The following TRAF1 variants were observed in gnomAD, a reference collection of about 807,000 sequenced individuals.
TRAF1 encodes TNF receptor-associated factor 1.
Under a neutral mutation model 40.9 loss-of-function variants are expected in TRAF1, and 23 were observed. The observed-to-expected ratio is 0.56, with a 90% confidence interval of 0.40 to 0.80. The LOEUF (loss-of-function observed/expected upper bound fraction) is 0.80, where lower values mean the gene tolerates loss of function less well. Ranked by LOEUF, TRAF1 falls within the 30% of genes least tolerant of loss-of-function variation. The probability of loss-of-function intolerance (pLI) is 0.00; values close to 1 mark genes in which losing one functional copy is unlikely to be tolerated. For synonymous variants in TRAF1, 206 were observed against 218.8 expected (o/e 0.94, Z 0.52); for missense variants, 477 against 528.7 (o/e 0.90, Z 0.96).
chr9:120,920,590 C>A (rs972501828), intron 3 of TRAF1, among the ~76,000 whole-genome samples: 3 of 152,180 alleles, frequency 2.0e-5, no homozygotes, highest in Admixed American at 2.0e-4. Context: ...TTATCTCCAG[C>A]CCCCTGGCAT....
chr9:120,911,209 G>A, intron 6 of TRAF1, 127 bp downstream of exon 6: 1 of 1,116,756 alleles, frequency 9.0e-7, no homozygotes, highest in Non-Finnish European at 1.3e-6. Context: ...TGAGTGGCCT[G>A]AATGGGCACT....
rs948209656 is a variant in TRAF1 at position 120,903,182 on chromosome 9, G to A, written c.*1838C>T. On this transcript the variant is annotated 3_prime_UTR_variant, in exon 8 of 8. Coordinates refer to ENST00000373887, the MANE Select transcript of TRAF1 (RefSeq NM_005658.5). ...AGTCTCCACTGCCTCCACAGTCTCCGCTGCCACGCTGTCAGCCGTGGGAAC... is the reference window on the plus strand; with the variant it reads ...AGTCTCCACTGCCTCCACAGTCTCCACTGCCACGCTGTCAGCCGTGGGAAC... 1 of 152,376 alleles carries A rather than the reference G, an allele frequency of 6.6e-6. No homozygotes were observed. Among genetic ancestry groups the A allele is most frequent in the Non-Finnish European group, 1.5e-5 (1 of 68,052 alleles). The allele number at this position is 152,376 out of a possible 1,614,324, so 9.4% of individuals were successfully genotyped here.
intron 3 of TRAF1, among the ~76,000 whole-genome samples, chr9:120,921,301 C>G (rs1008383): frequency 0.66 from 100,311 of 151,430 alleles, 33,334 homozygotes; most frequent in South Asian, 0.82. Flanking sequence ...CTTAGGGGCT[C>G]GGATAGGAGA....
At chr9:120,915,948 C>A (rs1201749072) in intron 3 of TRAF1, among the ~76,000 whole-genome samples, 1 of 152,170 alleles carries the variant, frequency 6.6e-6, no homozygotes, top group Non-Finnish European at 1.5e-5. Flanking sequence ...AGTTACCATA[C>A]AATCCACACA....
Position 120,904,970 on chromosome 9 carries a change from T to A in TRAF1, c.*50A>T, listed in dbSNP as rs371928914. 2.5e-4 allele frequency: 388 copies of A among 1,562,032 alleles called. 1 individual carries two copies. The highest frequency in any genetic ancestry group is 3.2e-4 in the Non-Finnish European group (362 of 1,147,770). On this transcript the variant is annotated 3_prime_UTR_variant, in exon 8 of 8. Coordinates refer to ENST00000373887, the MANE Select transcript of TRAF1 (RefSeq NM_005658.5). ...TGCCAAGGGCAGGGCATCACAGTCCTCTGGCTAGCTCCCTTCTGAGTTGGA... is the reference window on the plus strand; with the variant it reads ...TGCCAAGGGCAGGGCATCACAGTCCACTGGCTAGCTCCCTTCTGAGTTGGA...
chr9:120,925,829 G>A (rs2046636208), intron 2 of TRAF1, 107 bp downstream of exon 2: 1 of 1,520,762 alleles, frequency 6.6e-7, no homozygotes, highest in East Asian at 2.3e-5. Context: ...GCCCAGAGAA[G>A]AAAAGTCACC....
At position 120,913,547 on chromosome 9, in the gene TRAF1, G is replaced by A. The variant is rs138788579; in HGVS notation, c.486C>T (p.Val162=). 229 of 1,613,490 alleles carry A rather than the reference G, an allele frequency of 1.4e-4. No individual in the cohort carries two copies. The highest frequency in any genetic ancestry group is 1.8e-4 in the Non-Finnish European group (215 of 1,179,882). The part of the protein sequence containing the change: ...AAVEVAGDLE[V]DCYRAPCSES... ...CGGAGCAGGGTGCCCGGTAGCAATC[G>A]ACCTCCAGGTCCCCCGCCACTTCCA... The change falls in exon 5 of 8, where the codon GTC becomes GTT. Residue 162 remains valine (V), a synonymous_variant. Coordinates refer to ENST00000373887, the MANE Select transcript of TRAF1 (RefSeq NM_005658.5).
In TRAF1 at chr9:120,904,970, T is replaced by G; in HGVS notation, c.*50A>C. 6.4e-7 allele frequency: 1 copy of G among 1,562,150 alleles called. No individual in the cohort carries two copies. Among genetic ancestry groups the G allele is most frequent in the Non-Finnish European group, 8.7e-7 (1 of 1,147,762 alleles). ...TGCCAAGGGCAGGGCATCACAGTCC[T>G]CTGGCTAGCTCCCTTCTGAGTTGGA... On this transcript the variant is annotated 3_prime_UTR_variant, in exon 8 of 8. Transcript: ENST00000373887.
intron 2 of TRAF1, among the ~76,000 whole-genome samples, chr9:120,925,700 C>G (rs182086235): frequency 1.5e-4 from 23 of 152,374 alleles, no homozygotes; most frequent in African/African-American, 4.8e-4. Context: ...CCTCGAGGCT[C>G]TCCTCGGTGT....
chr9:120,909,573 T>C (rs2046510761), intron 6 of TRAF1, among the ~76,000 whole-genome samples, 195 bp from the exon 7 acceptor site: 1 of 152,184 alleles, frequency 6.6e-6, no homozygotes, highest in Non-Finnish European at 1.5e-5. Flanking sequence ...GTTTGTCAGC[T>C]GGCCATCCAA....
Position 120,913,660 on chromosome 9 carries a change from G to T in TRAF1, c.373C>A (p.Gln125Lys). The T allele has an allele frequency of 6.2e-7, 1 of 1,613,252 alleles. No individual in the cohort carries two copies. The highest frequency in any genetic ancestry group is 1.3e-5 in the African/African-American group (1 of 75,048). ...CCACAGCCCAGCCGGGCCTTCCACT[G>T]TTTCATGAACCCCAACAGCAGGTTT... Reference protein sequence around the residue: ...HLNLLLGFMKQWKARLGCGLE... With the variant: ...HLNLLLGFMKKWKARLGCGLE... The change falls in exon 5 of 8, where the codon CAG becomes AAG. Residue 125 changes from glutamine to lysine, a missense_variant. Physicochemically the swap from Gln to Lys is moderately conservative, Grantham distance 53 (BLOSUM62 1). Coordinates refer to ENST00000373887, the MANE Select transcript of TRAF1 (RefSeq NM_005658.5).
At chr9:120,910,764 C>G (rs1379586581) in intron 6 of TRAF1, among the ~76,000 whole-genome samples, 1 of 152,224 alleles carries the variant, frequency 6.6e-6, no homozygotes. Context: ...TTAAGAGAAA[C>G]ACTTGCCAAG....
At chr9:120,909,200 A>T in intron 7 of TRAF1, 30 bp downstream of exon 7, 2 of 1,607,806 alleles carry the variant, frequency 1.2e-6, no homozygotes, top group African/African-American at 1.3e-5. Context: ...CATGCTCCCC[A>T]CCTTACCCCC....
At chr9:120,919,252 C>T (rs958679413) in intron 3 of TRAF1, among the ~76,000 whole-genome samples, 5 of 152,302 alleles carry the variant, frequency 3.3e-5, no homozygotes, top group African/African-American at 4.8e-5. Context: ...GAATTTCCTC[C>T]GAGGAGGAGA....
rs1415114637 is a variant in TRAF1 at position 120,911,459 on chromosome 9, C to G, written c.760G>C (p.Glu254Gln). 1.2e-6 allele frequency: 2 copies of G among 1,613,482 alleles called. No homozygotes were observed. Among genetic ancestry groups the G allele is most frequent in the Non-Finnish European group, 1.7e-6 (2 of 1,180,012 alleles). ...AQKDQALGKL[E>Q]QSLRLMEEAS... The stretch of plus-strand genomic sequence containing the variant: ...TCCTCCATGAGGCGCAAGCTCTGCT[C>G]CAGCTTGCCCAGGGCCTGGTCTTTC... The change falls in exon 6 of 8, where the codon GAG becomes CAG. Residue 254 changes from glutamate to glutamine, a missense_variant. Transcript: ENST00000373887.
chr9:120,914,098 G>T, intron 4 of TRAF1, 137 bp downstream of exon 4: 2 of 716,558 alleles, frequency 2.8e-6, no homozygotes, highest in Non-Finnish European at 4.2e-6. Flanking sequence ...TCTGATGCTT[G>T]GGAAAGTCAT....
rs117650052 is a variant in TRAF1 at position 120,921,335 on chromosome 9, C to T, written c.228+2370G>A. Among the ~76,000 whole-genome samples the T allele has an allele frequency of 8.8e-3, 1,338 of 151,994 alleles. 9 individuals carry two copies. The highest frequency in any genetic ancestry group is 0.017 in the Middle Eastern group (5 of 294). On this transcript the variant is annotated intron_variant, in intron 3 of 7. Transcript: ENST00000373887. Reference sequence around the variant, plus strand: ...GAAAGAAATGGGGCAATTAACAGGTCGGGGCTCCAGGATCCCCCTCCATCA... The same window carrying T: ...GAAAGAAATGGGGCAATTAACAGGTTGGGGCTCCAGGATCCCCCTCCATCA...
intron 6 of TRAF1, among the ~76,000 whole-genome samples, chr9:120,909,947 C>T (rs2131621289): frequency 6.6e-6 from 1 of 152,162 alleles, no homozygotes; most frequent in South Asian, 2.1e-4. Context: ...TGGCTGGGGT[C>T]CCCTGGAGGC....
chr9:120,907,946 G>A (rs2046495067), intron 7 of TRAF1, among the ~76,000 whole-genome samples: 1 of 152,022 alleles, frequency 6.6e-6, no homozygotes, highest in Admixed American at 6.6e-5. Flanking sequence ...AAGCTAGAGT[G>A]CAGTGGCAAG....
Sources: gnomAD v4.1 joint callset for allele counts (sites outside exome capture counted in the v4.1 genomes callset) on GRCh38, gnomAD v4.1.1 for gene constraint, MANE v1.5 for transcripts, NCBI Gene and HGNC (gene_info 2026-07-23, HGNC 2026-07-21) for gene names.